RGSL1: variants seen among roughly 807,000 people sequenced by gnomAD.
The protein encoded by RGSL1 is regulator of G protein signaling protein-like.
RGSL1 carries 97 observed loss-of-function variants against 124.7 expected under a neutral mutation model. The observed-to-expected ratio is 0.78, with a 90% confidence interval of 0.66 to 0.92. RGSL1 has a LOEUF of 0.92. RGSL1 is among the 40% of genes least tolerant of loss of function. RGSL1 has a pLI of 0.00. For missense variants in RGSL1, 1,233 were observed against 1,288.4 expected (o/e 0.96, Z 0.66); for synonymous variants, 424 against 438.1 (o/e 0.97, Z 0.40).
At position 182,527,778 on chromosome 1, in the gene RGSL1, C is replaced by T. The variant is rs1658864075; in HGVS notation, c.2125+6C>T. On this transcript the variant is annotated splice_donor_region_variant and intron_variant, in intron 11 of 21. Transcript: ENST00000294854. ...CCAAGGCCAACTCTCTCCTGGTATG[C>T]ATCCTCTTCTGATCCTGTTTTCTCT... 1 of 1,543,632 alleles carries T rather than the reference C, an allele frequency of 6.5e-7. No individual in the cohort carries two copies. The highest frequency in any genetic ancestry group is 1.4e-5 in the African/African-American group (1 of 72,726).
At chr1:182,472,674 T>G (rs1653945136) in intron 5 of RGSL1, 117 bp downstream of exon 5, 1 of 1,128,882 alleles carries the variant, frequency 8.9e-7, no homozygotes, top group Middle Eastern at 2.8e-4. Context: ...CTTCTATGTA[T>G]CAGAGAGGCT....
At chr1:182,470,594 C>T (rs1653753918) in intron 4 of RGSL1, among the ~76,000 whole-genome samples, 1 of 152,172 alleles carries the variant, frequency 6.6e-6, no homozygotes, top group Non-Finnish European at 1.5e-5. Flanking sequence ...TCCCGTTCCA[C>T]ATTTTTTCTA....
chr1:182,490,522 C>A (rs1200712967), intron 8 of RGSL1, among the ~76,000 whole-genome samples: 2 of 152,210 alleles, frequency 1.3e-5, no homozygotes, highest in Non-Finnish European at 2.9e-5. Flanking sequence ...TTATTTAAAT[C>A]TAGCATGAAC....
intron 21 of RGSL1, 124 bp downstream of exon 21, chr1:182,556,346 G>A: frequency 2.7e-6 from 1 of 364,104 alleles, no homozygotes; most frequent in East Asian, 4.6e-5. Context: ...GGCTCAGGTT[G>A]TTAAAGAATC....
At chr1:182,509,820 C>CT (rs1237263453) in intron 9 of RGSL1, among the ~76,000 whole-genome samples, 103 of 113,558 alleles carry the variant, frequency 9.1e-4, no homozygotes, top group African/African-American at 3.9e-3. Context: ...GGGGGCTGAC[C>CT]CCCCCCCACC....
chr1:182,481,644 A>G (rs1222254825), intron 6 of RGSL1, among the ~76,000 whole-genome samples: 1 of 152,164 alleles, frequency 6.6e-6, no homozygotes, highest in East Asian at 1.9e-4. Flanking sequence ...AAAGTAAACC[A>G]CGGGTCAATA....
chr1:182,549,386 G>A (rs1660424224), intron 17 of RGSL1: 1 of 152,600 alleles, frequency 6.6e-6, no homozygotes. Context: ...ACATGGTGAA[G>A]AAACTGTGAA....
Position 182,459,007 on chromosome 1 carries a change from A to T in RGSL1, c.171+614A>T, listed in dbSNP as rs145598845. Reference sequence around the variant, plus strand: ...TCTCACATCTACCGTGATAGGTTAGACACTTGGGAAACTGTCCTGAGAAGA... The same window carrying T: ...TCTCACATCTACCGTGATAGGTTAGTCACTTGGGAAACTGTCCTGAGAAGA... On this transcript the variant is annotated intron_variant, in intron 3 of 21. Transcript: ENST00000294854. Among the ~76,000 whole-genome samples the T allele has an allele frequency of 8.3e-4, 126 of 152,300 alleles. 1 individual carries two copies. In the Middle Eastern group the frequency reaches 0.037, roughly 45 times the overall value.
intron 4 of RGSL1, among the ~76,000 whole-genome samples, chr1:182,464,191 G>A (rs1653080703): frequency 6.6e-6 from 1 of 152,116 alleles, no homozygotes; most frequent in South Asian, 2.1e-4. Flanking sequence ...TAAAATAAAA[G>A]CAGTGTTAAT....
chr1:182,523,207 TC>T (rs1277254859), intron 10 of RGSL1, among the ~76,000 whole-genome samples: 6 of 147,356 alleles, frequency 4.1e-5, no homozygotes, highest in Admixed American at 2.7e-4. Context: ...TGTTTTTTTT[TC>T]TTTTTTTTTT....
intron 14 of RGSL1, 90 bp from the exon 15 acceptor site, chr1:182,540,157 A>G (rs3856115): frequency 0.54 from 674,926 of 1,254,200 alleles, 184,036 homozygotes; most frequent in Non-Finnish European, 0.54. Flanking sequence ...ATGGATCCAC[A>G]GTCTCCTTTC....
chr1:182,457,414 G>A (rs1490321327), intron 2 of RGSL1, among the ~76,000 whole-genome samples: 1 of 152,184 alleles, frequency 6.6e-6, no homozygotes, highest in Admixed American at 6.5e-5. Context: ...CACACTGAGT[G>A]CAGAGCAGAG....
At chr1:182,559,644 C>T (rs1263376080) in intron 21 of RGSL1, among the ~76,000 whole-genome samples, 1 of 152,224 alleles carries the variant, frequency 6.6e-6, no homozygotes, top group Non-Finnish European at 1.5e-5. Flanking sequence ...GGAAAAGTCT[C>T]ACTCCTTTGT....
chr1:182,449,169 A>T (rs575974646), upstream of RGSL1: 1 of 152,242 alleles, frequency 6.6e-6, no homozygotes, highest in Non-Finnish European at 1.5e-5. Context: ...GAAGTATGGT[A>T]AGCTACAATC....
rs74936764 is a variant in RGSL1 at position 182,490,455 on chromosome 1, G to A, written c.1717+1253G>A. 2.2e-4 allele frequency among the ~76,000 whole-genome samples: 34 copies of A among 152,272 alleles called. No homozygotes were observed. In the East Asian group the frequency reaches 6.4e-3, roughly 28 times the overall value. ...TTTTTAAAACTTTAATATGCACTCT[G>A]TATACAAACCAAGATGCCCTGGATG... On this transcript the variant is annotated intron_variant, in intron 8 of 21. Coordinates refer to ENST00000294854, the MANE Select transcript of RGSL1 (RefSeq NM_001137669.2).
At chr1:182,485,517 A>G (rs12029561) in intron 6 of RGSL1, among the ~76,000 whole-genome samples, 15,703 of 152,120 alleles carry the variant, frequency 0.1, 975 homozygotes, top group South Asian at 0.18. Flanking sequence ...GACACTCTAT[A>G]TGCAGCGCCT....
chr1:182,485,332 T>C (rs570884160), intron 6 of RGSL1, among the ~76,000 whole-genome samples: 1 of 152,336 alleles, frequency 6.6e-6, no homozygotes, highest in Non-Finnish European at 1.5e-5. Context: ...ATGTACACTT[T>C]CCTTTTGTTA....
chr1:182,502,163 T>G (rs1411287959), intron 9 of RGSL1, among the ~76,000 whole-genome samples: 1 of 152,230 alleles, frequency 6.6e-6, no homozygotes, highest in Non-Finnish European at 1.5e-5. Flanking sequence ...TTTTGTTATC[T>G]TTTCAAAAGA....
intron 9 of RGSL1, among the ~76,000 whole-genome samples, chr1:182,516,496 A>G (rs1326605233): frequency 6.6e-6 from 1 of 152,136 alleles, no homozygotes; most frequent in East Asian, 1.9e-4. Flanking sequence ...GTTGCTTATT[A>G]TCTGGTTGTT....
Sources: gnomAD v4.1 joint callset for allele counts (sites outside exome capture counted in the v4.1 genomes callset) on GRCh38, gnomAD v4.1.1 for gene constraint, MANE v1.5 for transcripts, NCBI Gene and HGNC (gene_info 2026-07-23, HGNC 2026-07-21) for gene names.